The following SUDS3 variants were observed in gnomAD, a reference collection of about 807,000 sequenced individuals.
SUDS3 encodes sin3 histone deacetylase corepressor complex component SDS3.
Under a neutral mutation model 53.5 loss-of-function variants are expected in SUDS3, and 23 were observed. The observed-to-expected ratio is 0.43, with a 90% CI of 0.31 to 0.61. The LOEUF (loss-of-function observed/expected upper bound fraction) is 0.61. Ranked by LOEUF, SUDS3 falls within the 20% of genes least tolerant of loss-of-function variation. SUDS3 has a pLI of 0.10. For missense variants in SUDS3, 291 were observed against 405.9 expected (o/e 0.72, Z 2.43); for synonymous variants, 150 against 148.5 (o/e 1.01, Z -0.08).
At chr12:118,411,476 A>T (rs2046358776) in intron 11 of SUDS3, among the ~76,000 whole-genome samples, 1 of 152,076 alleles carries the variant, frequency 6.6e-6, no homozygotes, top group East Asian at 1.9e-4. Context: ...GTGTCTGTAC[A>T]TTCAACTCCT....
intron 2 of SUDS3, among the ~76,000 whole-genome samples, chr12:118,383,280 G>A (rs1421808059): frequency 6.6e-6 from 1 of 152,114 alleles, no homozygotes; most frequent in African/African-American, 2.4e-5. Context: ...TTAAATTGAG[G>A]GTGTTTTTCA....
chr12:118,405,331 C>A (rs1354855322), intron 10 of SUDS3, among the ~76,000 whole-genome samples: 1 of 152,204 alleles, frequency 6.6e-6, no homozygotes, highest in African/African-American at 2.4e-5. Flanking sequence ...GAATCTTCCT[C>A]TTTCTAAGCT....
chr12:118,407,601 AC>A (rs1277943292), intron 10 of SUDS3, among the ~76,000 whole-genome samples: 1 of 152,192 alleles, frequency 6.6e-6, no homozygotes, highest in African/African-American at 2.4e-5. Flanking sequence ...GAAGGAAAAT[AC>A]AATGCATCTC....
intron 3 of SUDS3, among the ~76,000 whole-genome samples, chr12:118,385,125 T>C (rs73205579): frequency 1.3e-5 from 2 of 151,774 alleles, no homozygotes; most frequent in African/African-American, 4.8e-5. Flanking sequence ...TTTTTTTTTT[T>C]CGAGGCTGAG....
intron 10 of SUDS3, among the ~76,000 whole-genome samples, chr12:118,407,644 A>G (rs933591368): frequency 6.6e-6 from 1 of 152,146 alleles, no homozygotes; most frequent in African/African-American, 2.4e-5. Context: ...TTCCAGAGTC[A>G]GCTGTTTTCT....
At chr12:118,381,646 C>T (rs1418670322) in intron 2 of SUDS3, among the ~76,000 whole-genome samples, 1 of 152,144 alleles carries the variant, frequency 6.6e-6, no homozygotes, top group African/African-American at 2.4e-5. Flanking sequence ...TTTGGTCTCC[C>T]AAAGTGCTGG....
In SUDS3 at chr12:118,401,825, G is replaced by T. The variant is rs372514026; in HGVS notation, c.675+5G>T. The T allele has an allele frequency of 9.3e-6, 15 of 1,613,224 alleles. No individual in the cohort carries two copies. Among genetic ancestry groups the T allele is most frequent in the African/African-American group, 8.0e-5 (6 of 74,874 alleles). On this transcript the variant is annotated splice_donor_5th_base_variant and intron_variant, in intron 8 of 11. Transcript: ENST00000543473. The stretch of plus-strand genomic sequence containing the variant: ...GATCTGAGAACATTAAATAAGGTAC[G>T]GTTTGACTTTTTTGATTTATTTGAA...
chr12:118,417,649 A>G lies in SUDS3; in HGVS notation c.*3216A>G, dbSNP rs183753899. 1.6e-4 allele frequency: 24 copies of G among 150,374 alleles called. 1 individual carries two copies. The East Asian group carries it at 4.5e-3, about 28-fold the overall frequency. The allele number at this position is 150,374 out of a possible 1,614,324, so 9.3% of individuals were successfully genotyped here. ...AACGGGTACCATTAAATATTCTGAGAGGTGAATGTAAAATATAAAAGGTAT... is the reference window on the plus strand; with the variant it reads ...AACGGGTACCATTAAATATTCTGAGGGGTGAATGTAAAATATAAAAGGTAT... On this transcript the variant is annotated 3_prime_UTR_variant, in exon 12 of 12. Transcript: ENST00000543473.
chr12:118,386,725 A>G (rs1179460031), intron 4 of SUDS3, among the ~76,000 whole-genome samples: 3 of 152,228 alleles, frequency 2.0e-5, no homozygotes, highest in Non-Finnish European at 2.9e-5. Context: ...TGCGAGCAAT[A>G]TAAAGTCATG....
chr12:118,380,280 C>T (rs1566195113), intron 2 of SUDS3, 49 bp downstream of exon 2: 2 of 1,484,428 alleles, frequency 1.3e-6, no homozygotes, highest in Non-Finnish European at 9.2e-7. Flanking sequence ...TTGACAACAT[C>T]TTTATATAGA....
intron 1 of SUDS3, among the ~76,000 whole-genome samples, chr12:118,377,531 G>A (rs1206904418): frequency 2.2e-5 from 3 of 138,374 alleles, no homozygotes; most frequent in Non-Finnish European, 1.5e-5. Flanking sequence ...CCCCCTCCCG[G>A]AAACAGGTAA....
chr12:118,401,701 T>G, intron 7 of SUDS3, 58 bp from the exon 8 acceptor site: 1 of 1,378,352 alleles, frequency 7.3e-7, no homozygotes, highest in Non-Finnish European at 1.0e-6. Flanking sequence ...ACCATTGTGT[T>G]GATTACTCTT....
At chr12:118,411,424 C>T (rs777289716) in intron 11 of SUDS3, among the ~76,000 whole-genome samples, 7 of 152,178 alleles carry the variant, frequency 4.6e-5, no homozygotes, top group Non-Finnish European at 7.4e-5. Context: ...TTGGGAACCA[C>T]GGAGCTAGAT....
chr12:118,379,904 G>C (rs1408419544), intron 1 of SUDS3, among the ~76,000 whole-genome samples: 1 of 152,202 alleles, frequency 6.6e-6, no homozygotes, highest in African/African-American at 2.4e-5. Flanking sequence ...TGGGGGACTG[G>C]TTCCAGGACT....
Position 118,376,810 on chromosome 12 carries a change from G to A in SUDS3, c.119G>A (p.Cys40Tyr). 1 of 1,549,872 alleles carries A rather than the reference G, an allele frequency of 6.5e-7. No homozygotes were observed. Among genetic ancestry groups the A allele is most frequent in the Non-Finnish European group, 8.7e-7 (1 of 1,154,618 alleles). The change falls in exon 1 of 12, where the codon TGT becomes TAT. Residue 40 changes from cysteine (C) to tyrosine (Y), a missense_variant. Physicochemically the swap from Cys to Tyr is radical, Grantham distance 194. This residue lies in a region of SUDS3 where 149 missense variants were observed against 146.5 expected (regional missense o/e 1.02). Coordinates refer to ENST00000543473, the MANE Select transcript of SUDS3 (RefSeq NM_022491.3). The part of the protein sequence containing the change: ...LESAEDDERS[C>Y]RGRESDEDTE... ...AGCGCCGAGGACGACGAGCGCAGCT[G>A]TCGGGGCCGCGAGTCGGACGAAGGT...
At chr12:118,404,569 A>G (rs1451615054) in intron 10 of SUDS3, 1 of 152,254 alleles carries the variant, frequency 6.6e-6, no homozygotes, top group African/African-American at 2.4e-5. Context: ...TCTGCTAGAT[A>G]TGAAATGGAT....
At chr12:118,413,386 G>A (rs1042583124) in intron 11 of SUDS3, among the ~76,000 whole-genome samples, 1 of 152,226 alleles carries the variant, frequency 6.6e-6, no homozygotes, top group South Asian at 2.1e-4. Context: ...GTAGAGAAGA[G>A]CCAGGGGCTT....
In SUDS3 at chr12:118,378,678, A is replaced by G. The variant is rs144031879; in HGVS notation, c.143-1484A>G. 6.5e-3 allele frequency among the ~76,000 whole-genome samples: 978 copies of G among 150,274 alleles called. 10 individuals carry two copies. The highest frequency in any genetic ancestry group is 0.023 in the African/African-American group (941 of 40,884). On this transcript the variant is annotated intron_variant, in intron 1 of 11. Coordinates refer to ENST00000543473, the MANE Select transcript of SUDS3 (RefSeq NM_022491.3). ...TGTGGTTTTATTTGTTGTTTTGTTTATTTTATTTTTTTTTGAGATGGAGTT... is the reference window on the plus strand; with the variant it reads ...TGTGGTTTTATTTGTTGTTTTGTTTGTTTTATTTTTTTTTGAGATGGAGTT...
intron 10 of SUDS3, among the ~76,000 whole-genome samples, chr12:118,407,923 A>T (rs1268267353): frequency 6.6e-6 from 1 of 150,788 alleles, no homozygotes; most frequent in Non-Finnish European, 1.5e-5. Context: ...ATTTTTTGAG[A>T]CAGAGTCTCG....
Sources: gnomAD v4.1 joint callset for allele counts (sites outside exome capture counted in the v4.1 genomes callset) on GRCh38, gnomAD v4.1.1 for gene constraint, gnomAD v4.1.1 regional missense constraint, MANE v1.5 for transcripts, NCBI Gene and HGNC (gene_info 2026-07-23, HGNC 2026-07-21) for gene names.